RBM47: variants seen among roughly 807,000 people sequenced by gnomAD.
The protein encoded by RBM47 is RNA binding motif protein 47, also known as RNA-binding protein 47.
In RBM47, 21 loss-of-function variants were observed where a neutral mutation model predicts 47.1. That is an observed-to-expected ratio of 0.45 (90% CI 0.32 to 0.64). The LOEUF (loss-of-function observed/expected upper bound fraction) is 0.64. RBM47 is among the 30% of genes least tolerant of loss of function. The pLI, the probability that RBM47 is intolerant of heterozygous loss-of-function variation, is 0.05. For missense variants in RBM47, 708 were observed against 870.9 expected, an observed-to-expected ratio of 0.81 and a Z score of 2.35; for synonymous variants, 375 against 361.7, an observed-to-expected ratio of 1.04 and a Z score of -0.42.
At chr4:40,562,578 G>C (rs1465312978) in intron 1 of RBM47, among the ~76,000 whole-genome samples, 1 of 148,916 alleles carries the variant, frequency 6.7e-6, no homozygotes, top group Admixed American at 6.9e-5. Flanking sequence ...CAATTATCCT[G>C]ACTCAGTCTC....
intron 1 of RBM47, among the ~76,000 whole-genome samples, chr4:40,573,559 A>G (rs987270213): frequency 6.6e-6 from 1 of 151,988 alleles, no homozygotes; most frequent in Middle Eastern, 3.4e-3. Context: ...CCTGGCCAAC[A>G]TGGTGAAACC....
chr4:40,426,200 A>G, intron 6 of RBM47, 57 bp from the exon 7 acceptor site: 11 of 1,562,878 alleles, frequency 7.0e-6, no homozygotes, highest in Non-Finnish European at 9.5e-6. Context: ...CCTATCATCC[A>G]TTCATTCAAC....
At chr4:40,530,421 A>C (rs1290373960) in intron 2 of RBM47, among the ~76,000 whole-genome samples, 2 of 151,774 alleles carry the variant, frequency 1.3e-5, no homozygotes, top group Non-Finnish European at 2.9e-5. Flanking sequence ...CTCCTGTCTC[A>C]CCTCCTAAGT....
In RBM47 at chr4:40,424,656, G is replaced by A. The variant is rs1423070680; in HGVS notation, c.*1248C>T. On this transcript the variant is annotated 3_prime_UTR_variant, in exon 7 of 7. Transcript: ENST00000295971. ...GTTCACCCATCAAGTGCACAGCAAA[G>A]GAAGAGAGGCCCATTTAATAAACAT... 6.6e-6 allele frequency: 1 copy of A among 152,128 alleles called. No homozygotes were observed. The highest frequency in any genetic ancestry group is 1.5e-5 in the Non-Finnish European group (1 of 68,028). The allele number at this position is 152,128 out of a possible 1,614,324, so 9.4% of individuals were successfully genotyped here. A position where few individuals can be genotyped will look rare whatever the true frequency, so the allele number is the denominator to read the frequency against.
chr4:40,561,120 C>T (rs529130087), intron 1 of RBM47, among the ~76,000 whole-genome samples: 11 of 152,076 alleles, frequency 7.2e-5, no homozygotes, highest in African/African-American at 2.7e-4. Flanking sequence ...GTTAAACCCA[C>T]TTTCAGTAAA....
chr4:40,624,337 G>A (rs1178535717), intron 1 of RBM47, among the ~76,000 whole-genome samples: 5 of 152,124 alleles, frequency 3.3e-5, no homozygotes. Context: ...AATTTAGTAT[G>A]AATAGCCATC....
At chr4:40,484,133 G>C (rs1720781191) in intron 2 of RBM47, among the ~76,000 whole-genome samples, 1 of 152,142 alleles carries the variant, frequency 6.6e-6, no homozygotes, top group East Asian at 1.9e-4. Context: ...ACTTTATGTA[G>C]GGTACAATTT....
At position 40,626,188 on chromosome 4, in the gene RBM47, T is replaced by C. The variant is rs150167162; in HGVS notation, c.-240+3208A>G. 5.9e-3 allele frequency among the ~76,000 whole-genome samples: 894 copies of C among 152,342 alleles called. 8 individuals carry two copies. The highest frequency in any genetic ancestry group is 0.02 in the African/African-American group (836 of 41,588). On this transcript the variant is annotated intron_variant, in intron 1 of 6. Coordinates refer to ENST00000295971, the MANE Select transcript of RBM47 (RefSeq NM_001098634.2). ...GAAGATTCATAACAACCAAAAAAGA[T>C]GCTCCTGTTAAATATGCAAGTTACA...
At chr4:40,501,493 C>T (rs113843941) in intron 2 of RBM47, among the ~76,000 whole-genome samples, 48 of 152,334 alleles carry the variant, frequency 3.2e-4, no homozygotes, top group Admixed American at 6.5e-4. Context: ...AAACACTCTG[C>T]GTCTGCACCG....
At chr4:40,430,949 TG>T (rs767475785) in intron 6 of RBM47, among the ~76,000 whole-genome samples, 6 of 151,960 alleles carry the variant, frequency 3.9e-5, no homozygotes, top group Non-Finnish European at 7.4e-5. Context: ...CCGGGCATGG[TG>T]GTGCGTGTTT....
chr4:40,561,600 A>C (rs1380585815), intron 1 of RBM47, among the ~76,000 whole-genome samples: 2 of 138,744 alleles, frequency 1.4e-5, no homozygotes, highest in African/African-American at 5.7e-5. Context: ...CCCAGGCTTG[A>C]GTACGGTGGT....
intron 1 of RBM47, among the ~76,000 whole-genome samples, chr4:40,549,111 G>C (rs1425709256): frequency 6.8e-6 from 1 of 147,694 alleles, no homozygotes; most frequent in African/African-American, 2.5e-5. Flanking sequence ...TTTTTTTTTG[G>C]GGGGGGGGAC....
At chr4:40,604,714 T>G (rs1303469135) in intron 1 of RBM47, among the ~76,000 whole-genome samples, 1 of 151,636 alleles carries the variant, frequency 6.6e-6, no homozygotes. Context: ...CACATGGCTC[T>G]TTGTTGTTGT....
chr4:40,529,280 G>A (rs1727113344), intron 2 of RBM47, among the ~76,000 whole-genome samples: 1 of 152,008 alleles, frequency 6.6e-6, no homozygotes. Context: ...GGCCAAGGTG[G>A]GCAGATCACT....
intron 1 of RBM47, among the ~76,000 whole-genome samples, chr4:40,549,592 G>A (rs1395636049): frequency 1.4e-5 from 2 of 141,450 alleles, no homozygotes; most frequent in Admixed American, 7.5e-5. Context: ...GCATGATCTC[G>A]GCTCACTGCA....
At chr4:40,589,531 G>A (rs541537208) in intron 1 of RBM47, among the ~76,000 whole-genome samples, 31 of 151,968 alleles carry the variant, frequency 2.0e-4, no homozygotes, top group African/African-American at 7.0e-4. Context: ...CCACCTCCTG[G>A]GTTCAAGCCA....
In RBM47 at chr4:40,438,256, T is replaced by C. The variant is rs1713020154; in HGVS notation, c.638A>G (p.Lys213Arg). 6.2e-7 allele frequency: 1 copy of C among 1,604,080 alleles called. No homozygotes were observed. The highest frequency in any genetic ancestry group is 1.3e-5 in the African/African-American group (1 of 74,936). ...CAGCTGGATGCGGCCAGGCATGAGC[T>C]TGCGGCGAGCCATGGCAGCCGCGCG... is the stretch of plus-strand genomic sequence containing the variant. ...SHRAAAMARR[K>R]LMPGRIQLWG... is the part of the protein sequence containing the mutation. Residue 213 changes from lysine (K) to arginine (R), a missense_variant, in exon 4 of 7, where the codon AAG becomes AGG. Transcript: ENST00000295971.
At chr4:40,565,589 A>G (rs1187335498) in intron 1 of RBM47, among the ~76,000 whole-genome samples, 1 of 152,182 alleles carries the variant, frequency 6.6e-6, no homozygotes, top group Admixed American at 6.5e-5. Context: ...TGGAATTAAG[A>G]TTTGGGCTCA....
At chr4:40,562,617 C>T (rs1199540487) in intron 1 of RBM47, among the ~76,000 whole-genome samples, 1 of 151,966 alleles carries the variant, frequency 6.6e-6, no homozygotes, top group Non-Finnish European at 1.5e-5. Context: ...AGGTGCGCGC[C>T]ACCACGCCCG....
Sources: gnomAD v4.1 joint callset for allele counts (sites outside exome capture counted in the v4.1 genomes callset) on GRCh38, gnomAD v4.1.1 for gene constraint, MANE v1.5 for transcripts, NCBI Gene and HGNC (gene_info 2026-07-23, HGNC 2026-07-21) for gene names.